Variants in GTF2F2 observed in about 807,000 individuals in gnomAD.
The protein encoded by GTF2F2 is ATP-dependent helicase GTF2F2.
GTF2F2 carries 23 observed loss-of-function variants against 42.2 expected under a neutral mutation model. The observed-to-expected ratio is 0.55, with a 90% CI of 0.39 to 0.77. The LOEUF (loss-of-function observed/expected upper bound fraction) is 0.77, where lower values mean the gene tolerates loss of function less well. Ranked by LOEUF, GTF2F2 falls within the 30% of genes least tolerant of loss-of-function variation. GTF2F2 has a pLI of 0.00. For synonymous variants in GTF2F2, 105 were observed against 100.8 expected (o/e 1.04, Z -0.25); for missense variants, 261 against 287.2 (o/e 0.91, Z 0.66).
chr13:45,234,495 G>A lies in GTF2F2; in HGVS notation c.387-18376G>A, dbSNP rs149676444. ...AACAAAATCTGTTTGAATGGAATCAGATATTTTGTATATTTAGGAAAAAAA... is the reference window on the plus strand; with the variant it reads ...AACAAAATCTGTTTGAATGGAATCAAATATTTTGTATATTTAGGAAAAAAA... On this transcript the variant is annotated intron_variant, in intron 5 of 7. Transcript: ENST00000340473. Among the ~76,000 whole-genome samples, 654 of 152,188 alleles carry A rather than the reference G, an allele frequency of 4.3e-3. 12 individuals carry two copies. The highest frequency in any genetic ancestry group is 0.015 in the African/African-American group (621 of 41,530).
intron 5 of GTF2F2, among the ~76,000 whole-genome samples, chr13:45,235,059 A>AC (rs1874891685): frequency 6.6e-6 from 1 of 150,422 alleles, no homozygotes; most frequent in Non-Finnish European, 1.5e-5. Context: ...AAAAAAAAAA[A>AC]AAAAAAAAAA....
At chr13:45,282,100 A>T (rs1004058194) in intron 7 of GTF2F2, among the ~76,000 whole-genome samples, 1 of 152,104 alleles carries the variant, frequency 6.6e-6, no homozygotes, top group Non-Finnish European at 1.5e-5. Flanking sequence ...ACTTGGGAGG[A>T]GGCAGGAGAA....
At chr13:45,280,403 A>G (rs562485384) in intron 7 of GTF2F2, among the ~76,000 whole-genome samples, 1 of 152,276 alleles carries the variant, frequency 6.6e-6, no homozygotes, top group African/African-American at 2.4e-5. Context: ...CCCTATCGTC[A>G]CTACTACTTT....
At chr13:45,260,449 AG>A (rs967933025) in intron 6 of GTF2F2, among the ~76,000 whole-genome samples, 2 of 152,184 alleles carry the variant, frequency 1.3e-5, no homozygotes, top group African/African-American at 4.8e-5. Context: ...AGTTGAGGGG[AG>A]GGGGAATAAT....
chr13:45,194,631 C>A, intron 4 of GTF2F2: 1 of 1,406,778 alleles, frequency 7.1e-7, no homozygotes, highest in South Asian at 1.3e-5. Context: ...AGAGACACTA[C>A]CACACAAGCA....
intron 1 of GTF2F2, among the ~76,000 whole-genome samples, chr13:45,127,614 G>A (rs1443568433): frequency 6.6e-6 from 1 of 151,864 alleles, no homozygotes; most frequent in Non-Finnish European, 1.5e-5. Flanking sequence ...TGGGATTATG[G>A]CATGAGCCAC....
At chr13:45,204,815 C>A (rs1873348717) in intron 4 of GTF2F2, among the ~76,000 whole-genome samples, 1 of 152,142 alleles carries the variant, frequency 6.6e-6, no homozygotes, top group African/African-American at 2.4e-5. Flanking sequence ...AAGACTTTTC[C>A]ATTCACTTTG....
intron 4 of GTF2F2, among the ~76,000 whole-genome samples, chr13:45,170,787 A>G (rs1011519503): frequency 1.3e-5 from 2 of 152,196 alleles, no homozygotes; most frequent in South Asian, 4.1e-4. Flanking sequence ...GAATTGGAGA[A>G]GTCTAGATGC....
At chr13:45,140,418 C>A (rs2138105605) in intron 2 of GTF2F2, among the ~76,000 whole-genome samples, 1 of 152,308 alleles carries the variant, frequency 6.6e-6, no homozygotes, top group East Asian at 1.9e-4. Context: ...AAAACTCCAG[C>A]ATGTCCTAGT....
At chr13:45,264,465 G>C (rs1876482575) in intron 6 of GTF2F2, among the ~76,000 whole-genome samples, 1 of 151,784 alleles carries the variant, frequency 6.6e-6, no homozygotes, top group Non-Finnish European at 1.5e-5. Context: ...TGTATTTTTA[G>C]CAGAGACTTG....
chr13:45,200,643 A>C (rs1873136524), intron 4 of GTF2F2, among the ~76,000 whole-genome samples: 1 of 152,202 alleles, frequency 6.6e-6, no homozygotes, highest in African/African-American at 2.4e-5. Context: ...ACAAGTAAAG[A>C]GCAGCTTTTT....
chr13:45,240,743 G>A (rs539897682), intron 5 of GTF2F2, among the ~76,000 whole-genome samples: 12 of 152,154 alleles, frequency 7.9e-5, no homozygotes, highest in African/African-American at 2.6e-4. Context: ...CAGGAGAATC[G>A]CTTGAACCTG....
intron 2 of GTF2F2, among the ~76,000 whole-genome samples, chr13:45,139,386 G>GTGT (rs1300821593): frequency 8.5e-5 from 13 of 152,228 alleles, no homozygotes; most frequent in African/African-American, 2.9e-4. Flanking sequence ...AATTCTGACT[G>GTGT]TGTTGTTGAT....
In GTF2F2 at chr13:45,128,723, A is replaced by G. The variant is rs1005999053; in HGVS notation, c.66+8002A>G. ...ATCCTTCTGCCTCAACCTCCCAAGT[A>G]CCTTGGATCACAAGTGTGCACTAAT... On this transcript the variant is annotated intron_variant, in intron 1 of 7. Coordinates refer to ENST00000340473, the MANE Select transcript of GTF2F2 (RefSeq NM_004128.3). 4.6e-5 allele frequency among the ~76,000 whole-genome samples: 7 copies of G among 152,048 alleles called. No homozygotes were observed. The East Asian group carries it at 1.4e-3, about 29-fold the overall frequency.
intron 4 of GTF2F2, among the ~76,000 whole-genome samples, chr13:45,157,193 T>C (rs1444720310): frequency 6.6e-6 from 1 of 152,050 alleles, no homozygotes; most frequent in Non-Finnish European, 1.5e-5. Context: ...TGACTAATGC[T>C]CCAAGTTGGG....
intron 4 of GTF2F2, among the ~76,000 whole-genome samples, chr13:45,202,920 T>A (rs1296654194): frequency 6.6e-6 from 1 of 152,198 alleles, no homozygotes; most frequent in African/African-American, 2.4e-5. Flanking sequence ...ACCACTGTAC[T>A]CCAGCTACTC....
At chr13:45,121,263 A>G (rs1200784518) in intron 1 of GTF2F2, among the ~76,000 whole-genome samples, 1 of 152,344 alleles carries the variant, frequency 6.6e-6, no homozygotes, top group Non-Finnish European at 1.5e-5. Flanking sequence ...TTTAGAGCAC[A>G]TTTGGGTCTC....
intron 4 of GTF2F2, among the ~76,000 whole-genome samples, chr13:45,165,334 T>A (rs914944304): frequency 6.1e-5 from 9 of 147,054 alleles, no homozygotes; most frequent in African/African-American, 1.7e-4. Context: ...TATATATATT[T>A]TTTTTTTCTT....
chr13:45,182,603 T>G (rs1872219710), intron 4 of GTF2F2, among the ~76,000 whole-genome samples: 1 of 152,162 alleles, frequency 6.6e-6, no homozygotes, highest in African/African-American at 2.4e-5. Flanking sequence ...TGTGAAGTTG[T>G]TGCTTTGCTT....
Sources: gnomAD v4.1 joint callset for allele counts (sites outside exome capture counted in the v4.1 genomes callset) on GRCh38, gnomAD v4.1.1 for gene constraint, MANE v1.5 for transcripts, NCBI Gene and HGNC (gene_info 2026-07-23, HGNC 2026-07-21) for gene names.